The following PKN2 variants were observed in gnomAD, a reference collection of about 807,000 sequenced individuals.
PKN2 encodes serine/threonine-protein kinase N2.
Under a neutral mutation model 119.1 loss-of-function variants are expected in PKN2, and 38 were observed. The ratio of observed to expected loss-of-function variants is 0.32; its 90% confidence interval spans 0.25 to 0.42. The LOEUF (loss-of-function observed/expected upper bound fraction) is 0.42, where lower values mean the gene tolerates loss of function less well. Ranked by LOEUF, PKN2 falls within the 10% of genes least tolerant of loss-of-function variation. PKN2 has a pLI of 1.00. For missense variants in PKN2, 850 were observed against 1,165.1 expected (o/e 0.73, Z 3.94); for synonymous variants, 390 against 384.9 (o/e 1.01, Z -0.15).
At chr1:88,819,945 T>C (rs924184376) in intron 16 of PKN2, among the ~76,000 whole-genome samples, 2 of 149,902 alleles carry the variant, frequency 1.3e-5, no homozygotes, top group South Asian at 2.1e-4. Context: ...TAAGTGGGAG[T>C]TGAACAATGA....
intron 1 of PKN2, 38 bp from the exon 2 acceptor site, chr1:88,740,950 C>G (rs1306286299): frequency 7.0e-7 from 1 of 1,438,062 alleles, no homozygotes; most frequent in Non-Finnish European, 9.4e-7. Context: ...AGCCAACTCT[C>G]CTAAACTCCC....
intron 15 of PKN2, among the ~76,000 whole-genome samples, chr1:88,808,288 G>T (rs1430217949): frequency 2.0e-5 from 3 of 151,636 alleles, no homozygotes; most frequent in Non-Finnish European, 1.5e-5. Flanking sequence ...TTATACAATT[G>T]TTTTTTTATT....
Position 88,684,323 on chromosome 1 carries a change from C to G in PKN2, c.-258C>G, listed in dbSNP as rs1388873403. ...GCTTGAGGCGGCTCCTGGCGTCGCC[C>G]AGAGGGAGCGACTAGACGAACAGTC... On this transcript the variant is annotated 5_prime_UTR_variant, in exon 1 of 22. Transcript: ENST00000370521. The G allele has an allele frequency of 4.8e-6, 2 of 414,642 alleles. No individual in the cohort carries two copies. Among genetic ancestry groups the G allele is most frequent in the East Asian group, 7.6e-5 (2 of 26,454 alleles). The allele number at this position is 414,642 out of a possible 1,614,324, so 25.7% of individuals were successfully genotyped here.
intron 8 of PKN2, among the ~76,000 whole-genome samples, chr1:88,795,409 G>A (rs1224405155): frequency 6.6e-6 from 1 of 151,846 alleles, no homozygotes; most frequent in Non-Finnish European, 1.5e-5. Context: ...TTTTTATTTT[G>A]CTTCGTCCTA....
chr1:88,798,057 A>G (rs1671164036), intron 8 of PKN2, among the ~76,000 whole-genome samples: 1 of 152,140 alleles, frequency 6.6e-6, no homozygotes, highest in South Asian at 2.1e-4. Context: ...CACCAGAGGT[A>G]TTCCTTCCAT....
chr1:88,722,548 G>A (rs992013977), intron 1 of PKN2, among the ~76,000 whole-genome samples: 4 of 152,104 alleles, frequency 2.6e-5, no homozygotes, highest in Non-Finnish European at 2.9e-5. Flanking sequence ...GCTAAGGCAG[G>A]AGAATCGCTT....
chr1:88,794,769 C>A (rs1450414593), intron 8 of PKN2, among the ~76,000 whole-genome samples: 1 of 152,026 alleles, frequency 6.6e-6, no homozygotes, highest in African/African-American at 2.4e-5. Context: ...TATTTTCATG[C>A]TATCAGCCCC....
At position 88,743,221 on chromosome 1, in the gene PKN2, C is replaced by T. The variant is rs546576294; in HGVS notation, c.349+1933C>T. ...AAAAGGTTTATTGAAGTATAAATTA[C>T]GTATGACAAAATGCACGTATTTTAA... On this transcript the variant is annotated intron_variant, in intron 2 of 21. Coordinates refer to ENST00000370521, the MANE Select transcript of PKN2 (RefSeq NM_006256.4). Among the ~76,000 whole-genome samples, 5 of 152,220 alleles carry T rather than the reference C, an allele frequency of 3.3e-5. No individual in the cohort carries two copies. In the East Asian group the frequency reaches 5.8e-4, roughly 18 times the overall value.
chr1:88,809,412 A>G (rs1214973412), intron 15 of PKN2, among the ~76,000 whole-genome samples: 1 of 152,226 alleles, frequency 6.6e-6, no homozygotes, highest in African/African-American at 2.4e-5. Flanking sequence ...GCTTTTCTCC[A>G]GATTCTTAAA....
rs1222586854 is a variant in PKN2 at position 88,684,273 on chromosome 1, G to C, written c.-308G>C. ...TGGTGCGACAGGAGGAGCTGCAGCC[G>C]CGGCCGCAGCGCCCGCACGGAGAGG... On this transcript the variant is annotated 5_prime_UTR_variant, in exon 1 of 22. Transcript: ENST00000370521. 3 of 338,438 alleles carry C rather than the reference G, an allele frequency of 8.9e-6. No individual in the cohort carries two copies. The highest frequency in any genetic ancestry group is 1.1e-5 in the Non-Finnish European group (2 of 185,412). The allele number at this position is 338,438 out of a possible 1,614,324, so 21.0% of individuals were successfully genotyped here.
intron 8 of PKN2, among the ~76,000 whole-genome samples, chr1:88,792,617 C>G (rs1017049845): frequency 6.6e-6 from 1 of 152,144 alleles, no homozygotes; most frequent in Non-Finnish European, 1.5e-5. Flanking sequence ...GACCAGAAGC[C>G]TTATTGATAA....
At chr1:88,795,081 C>A (rs547036917) in intron 8 of PKN2, among the ~76,000 whole-genome samples, 3 of 152,272 alleles carry the variant, frequency 2.0e-5, no homozygotes, top group Admixed American at 1.3e-4. Context: ...TTTCTTTTGC[C>A]TGTCTCTTCA....
chr1:88,711,190 G>T (rs931509597), intron 1 of PKN2, among the ~76,000 whole-genome samples: 7 of 151,820 alleles, frequency 4.6e-5, no homozygotes, highest in African/African-American at 1.7e-4. Flanking sequence ...TAACTAATGA[G>T]TACTAGGCTT....
intron 2 of PKN2, among the ~76,000 whole-genome samples, chr1:88,759,356 C>G (rs1467967062): frequency 6.6e-6 from 1 of 152,190 alleles, no homozygotes; most frequent in Non-Finnish European, 1.5e-5. Flanking sequence ...GAGCAAGACT[C>G]TGTCTCAGAA....
At chr1:88,686,434 CAAGG>C (rs1666103892) in intron 1 of PKN2, among the ~76,000 whole-genome samples, 1 of 151,896 alleles carries the variant, frequency 6.6e-6, no homozygotes, top group African/African-American at 2.4e-5. Context: ...TTGATAATAA[CAAGG>C]AAGCAAGCAA....
chr1:88,794,367 C>CAAAA (rs61455908), intron 8 of PKN2, among the ~76,000 whole-genome samples: 48 of 117,388 alleles, frequency 4.1e-4, no homozygotes, highest in African/African-American at 1.2e-3. Context: ...AATTCTGTCT[C>CAAAA]AAAAAAAAAA....
chr1:88,817,521 C>A (rs1248595884), intron 16 of PKN2, among the ~76,000 whole-genome samples: 1 of 151,440 alleles, frequency 6.6e-6, no homozygotes, highest in Admixed American at 6.6e-5. Context: ...GCCTGGCCAA[C>A]ATGGTGAAAC....
chr1:88,786,677 A>C (rs1420542191), intron 8 of PKN2, among the ~76,000 whole-genome samples: 1 of 152,166 alleles, frequency 6.6e-6, no homozygotes, highest in Non-Finnish European at 1.5e-5. Flanking sequence ...ATCAGAAGTT[A>C]ACCTGGTCCA....
At chr1:88,761,612 TAAAAA>T (rs368283566) in intron 3 of PKN2, among the ~76,000 whole-genome samples, 1 of 102,020 alleles carries the variant, frequency 9.8e-6, no homozygotes, top group Non-Finnish European at 2.0e-5. Context: ...CCTGTCTCTT[TAAAAA>T]AAAAAAAAAA....
Sources: gnomAD v4.1 joint callset for allele counts (sites outside exome capture counted in the v4.1 genomes callset) on GRCh38, gnomAD v4.1.1 for gene constraint, MANE v1.5 for transcripts, NCBI Gene and HGNC (gene_info 2026-07-23, HGNC 2026-07-21) for gene names.